Variants in ATRNL1 observed in about 807,000 individuals in gnomAD.
The protein encoded by ATRNL1 is attractin like 1.
In ATRNL1, 95 loss-of-function variants were observed where a neutral mutation model predicts 182.7. The observed-to-expected ratio is 0.52, with a 90% CI of 0.44 to 0.62. ATRNL1 has a LOEUF of 0.62. Among genes scored for constraint, ATRNL1 ranks in the 20% least tolerant of loss-of-function variants. The pLI, the probability that ATRNL1 is intolerant of heterozygous loss-of-function variation, is 0.00. For missense variants in ATRNL1, 1,471 were observed against 1,679.5 expected, an observed-to-expected ratio of 0.88 and a Z score of 2.17; for synonymous variants, 576 against 568.3, an observed-to-expected ratio of 1.01 and a Z score of -0.19.
chr10:115,943,652 A>G (rs1463903513), intron 28 of ATRNL1, among the ~76,000 whole-genome samples: 3 of 151,246 alleles, frequency 2.0e-5, no homozygotes, highest in Non-Finnish European at 4.4e-5. Flanking sequence ...TAAGCTTACC[A>G]TATTATCCAG....
intron 17 of ATRNL1, among the ~76,000 whole-genome samples, chr10:115,302,313 T>TAAC (rs1490796643): frequency 2.6e-5 from 4 of 152,174 alleles, no homozygotes; most frequent in African/African-American, 9.7e-5. Flanking sequence ...GCAGACAGTA[T>TAAC]AACACTTCAT....
chr10:115,715,923 G>A (rs1276307274), intron 26 of ATRNL1, among the ~76,000 whole-genome samples: 2 of 152,166 alleles, frequency 1.3e-5, no homozygotes, highest in African/African-American at 4.8e-5. Context: ...ATCTGGGAAT[G>A]AGTTACTCCA....
chr10:115,348,400 C>T (rs1856074819), intron 19 of ATRNL1, among the ~76,000 whole-genome samples: 1 of 152,136 alleles, frequency 6.6e-6, no homozygotes, highest in African/African-American at 2.4e-5. Flanking sequence ...CAAATGTTAA[C>T]TCCCTAATCC....
intron 19 of ATRNL1, among the ~76,000 whole-genome samples, chr10:115,384,972 A>G (rs2134244267): frequency 6.6e-6 from 1 of 151,834 alleles, no homozygotes; most frequent in African/African-American, 2.4e-5. Flanking sequence ...ATTGTTACTT[A>G]CAATATTAGT....
In ATRNL1 at chr10:115,469,164, C is replaced by T. The variant is rs959539732; in HGVS notation, c.3497-8C>T. 6 of 1,097,072 alleles carry T rather than the reference C, an allele frequency of 5.5e-6. No homozygotes were observed. The highest frequency in any genetic ancestry group is 7.4e-6 in the Non-Finnish European group (6 of 815,456). The allele number at this position is 1,097,072 out of a possible 1,614,324, so 68.0% of individuals were successfully genotyped here. Reference sequence around the variant, plus strand: ...TAATATTAATTATTTAAATTATTTACATTTTAGCTGGAACAATATCTGGGG... The same window carrying T: ...TAATATTAATTATTTAAATTATTTATATTTTAGCTGGAACAATATCTGGGG... On this transcript the variant is annotated splice_region_variant and splice_polypyrimidine_tract_variant and intron_variant, in intron 23 of 28. Coordinates refer to ENST00000355044, the MANE Select transcript of ATRNL1 (RefSeq NM_207303.4).
chr10:115,256,188 A>T (rs1228900841), intron 10 of ATRNL1, among the ~76,000 whole-genome samples: 1 of 152,090 alleles, frequency 6.6e-6, no homozygotes, highest in East Asian at 1.9e-4. Context: ...TTTTCTATTG[A>T]TTGGGATAGT....
intron 13 of ATRNL1, among the ~76,000 whole-genome samples, chr10:115,275,603 C>T (rs1852069419): frequency 6.6e-6 from 1 of 152,168 alleles, no homozygotes; most frequent in African/African-American, 2.4e-5. Context: ...AACCTAGATC[C>T]AATTATTCCT....
intron 27 of ATRNL1, among the ~76,000 whole-genome samples, chr10:115,766,675 A>T (rs1237540035): frequency 6.6e-6 from 1 of 152,196 alleles, no homozygotes; most frequent in Non-Finnish European, 1.5e-5. Context: ...AAGGCGGGGG[A>T]TAGAGTGAAG....
chr10:115,391,390 GAT>G (rs2134269137), intron 19 of ATRNL1, among the ~76,000 whole-genome samples: 1 of 152,282 alleles, frequency 6.6e-6, no homozygotes, highest in African/African-American at 2.4e-5. Context: ...CTGGTAGTGG[GAT>G]GGGTCTGGAT....
At chr10:115,410,785 TG>T (rs1845099340) in intron 20 of ATRNL1, among the ~76,000 whole-genome samples, 1 of 152,178 alleles carries the variant, frequency 6.6e-6, no homozygotes, top group African/African-American at 2.4e-5. Flanking sequence ...TCATCCAGGC[TG>T]GGGTTCAGTG....
At chr10:115,840,242 G>GA (rs781897239) in intron 27 of ATRNL1, among the ~76,000 whole-genome samples, 4 of 152,024 alleles carry the variant, frequency 2.6e-5, no homozygotes, top group African/African-American at 9.7e-5. Flanking sequence ...TTCCTACCCT[G>GA]AAAACCATCA....
At chr10:115,500,413 A>G (rs970821197) in intron 24 of ATRNL1, among the ~76,000 whole-genome samples, 9 of 152,136 alleles carry the variant, frequency 5.9e-5, no homozygotes, top group Non-Finnish European at 8.8e-5. Flanking sequence ...CAAGACTAGA[A>G]TCTAACATCA....
intron 21 of ATRNL1, among the ~76,000 whole-genome samples, chr10:115,436,738 G>A (rs1846421535): frequency 6.6e-6 from 1 of 152,002 alleles, no homozygotes; most frequent in South Asian, 2.1e-4. Context: ...TTAGAGCTTG[G>A]AGAGACTGTC....
chr10:115,394,859 T>G, intron 20 of ATRNL1, 107 bp downstream of exon 20: 1 of 814,616 alleles, frequency 1.2e-6, no homozygotes, highest in Non-Finnish European at 1.9e-6. Context: ...AGGCATACCT[T>G]TATTACAATT....
At chr10:115,596,037 T>C (rs1454366367) in intron 26 of ATRNL1, among the ~76,000 whole-genome samples, 3 of 152,154 alleles carry the variant, frequency 2.0e-5, no homozygotes, top group East Asian at 1.9e-4. Flanking sequence ...TAAGTGTTAT[T>C]CGTAAAAGTT....
chr10:115,595,403 T>C (rs1555013671), intron 26 of ATRNL1, among the ~76,000 whole-genome samples: 1 of 152,218 alleles, frequency 6.6e-6, no homozygotes, highest in Non-Finnish European at 1.5e-5. Flanking sequence ...AGATTTGTAA[T>C]ATTATATATT....
intron 28 of ATRNL1, among the ~76,000 whole-genome samples, chr10:115,856,180 G>A (rs1951175615): frequency 6.6e-6 from 1 of 151,966 alleles, no homozygotes; most frequent in Admixed American, 6.6e-5. Context: ...TGTAATCCCA[G>A]CACTTTGGGA....
chr10:115,493,056 A>G (rs1450406965), intron 24 of ATRNL1, among the ~76,000 whole-genome samples: 5 of 152,278 alleles, frequency 3.3e-5, no homozygotes, highest in African/African-American at 4.8e-5. Flanking sequence ...TAACTTGACA[A>G]TTTACAATAA....
At chr10:115,424,189 C>G (rs1845775840) in intron 20 of ATRNL1, among the ~76,000 whole-genome samples, 1 of 152,152 alleles carries the variant, frequency 6.6e-6, no homozygotes, top group Admixed American at 6.5e-5. Flanking sequence ...AACTCAACGT[C>G]ACTCATCATT....
Sources: gnomAD v4.1 joint callset for allele counts (sites outside exome capture counted in the v4.1 genomes callset) on GRCh38, gnomAD v4.1.1 for gene constraint, MANE v1.5 for transcripts, NCBI Gene and HGNC (gene_info 2026-07-23, HGNC 2026-07-21) for gene names.